Variants in FHAD1 observed in about 807,000 individuals in gnomAD.
FHAD1 encodes forkhead associated phosphopeptide binding domain 1.
Under a neutral mutation model 191.3 loss-of-function variants are expected in FHAD1, and 146 were observed. The observed-to-expected ratio is 0.76, with a 90% CI of 0.67 to 0.88. The LOEUF (loss-of-function observed/expected upper bound fraction) is 0.88. Among genes scored for constraint, FHAD1 ranks in the 40% least tolerant of loss-of-function variants. FHAD1 has a pLI of 0.00. For missense variants in FHAD1, 1,635 were observed against 1,785.8 expected, an observed-to-expected ratio of 0.92 and a Z score of 1.52; for synonymous variants, 616 against 672.3, an observed-to-expected ratio of 0.92 and a Z score of 1.29.
chr1:15,331,796 TC>T (rs1024414676), intron 14 of FHAD1, among the ~76,000 whole-genome samples: 7 of 151,934 alleles, frequency 4.6e-5, no homozygotes, highest in Non-Finnish European at 1.0e-4. Context: ...ATGAATGGTA[TC>T]AGTTAGGAAG....
upstream of FHAD1, among the ~76,000 whole-genome samples, chr1:15,242,284 G>A (rs1645483794): frequency 6.6e-6 from 1 of 151,222 alleles, no homozygotes; most frequent in Non-Finnish European, 1.5e-5. Context: ...TTTGTAATCT[G>A]GCAGCCAGAG....
Position 15,316,583 on chromosome 1 carries a change from CTTGT to C in FHAD1, c.1260+119_1260+122del. The C allele has an allele frequency of 1.2e-6, 1 of 860,416 alleles. No individual in the cohort carries two copies. Among genetic ancestry groups the C allele is most frequent in the Non-Finnish European group, 1.8e-6 (1 of 545,462 alleles). The allele number at this position is 860,416 out of a possible 1,614,324, so 53.3% of individuals were successfully genotyped here. ...ATGAAGCTCTGGGGCTCTGTGCTTG[CTTGT>C]TTAACATAGTCTCATTGCTCTTTGA... On this transcript the variant is annotated intron_variant, in intron 9 of 33. Coordinates refer to ENST00000688493, the MANE Select transcript of FHAD1 (RefSeq NM_001391957.1). This position sits in a 1 kb window ranked among gnomAD's most constrained non-coding sequence, Gnocchi z 4.3.
At chr1:15,239,579 C>CT (rs943585841) in intron 1 of FHAD1, among the ~76,000 whole-genome samples, 5 of 152,132 alleles carry the variant, frequency 3.3e-5, no homozygotes, top group Non-Finnish European at 7.3e-5. Context: ...CAGAGCGAGA[C>CT]TCTGTCTCAA....
At chr1:15,352,608 G>A (rs968303039) in intron 19 of FHAD1, among the ~76,000 whole-genome samples, 2 of 152,166 alleles carry the variant, frequency 1.3e-5, no homozygotes, top group South Asian at 2.1e-4. Flanking sequence ...CCATTCACCA[G>A]CATGTCACTT....
At chr1:15,396,213 CGGGAG>C (rs1705902251) in intron 33 of FHAD1, among the ~76,000 whole-genome samples, 3 of 151,920 alleles carry the variant, frequency 2.0e-5, no homozygotes, top group Non-Finnish European at 4.4e-5. Context: ...CCAGCTTACT[CGGGAG>C]GCTGAGGTTG....
chr1:15,393,430 G>GCACACACACACACGCACACA (rs1704849481), intron 33 of FHAD1, among the ~76,000 whole-genome samples: 1 of 146,742 alleles, frequency 6.8e-6, no homozygotes, highest in African/African-American at 2.5e-5. Context: ...ACACACACAC[G>GCACACACACACACGCACACA]CACACACACA....
intron 31 of FHAD1, among the ~76,000 whole-genome samples, chr1:15,384,725 G>A (rs143665877): frequency 3.2e-4 from 49 of 152,290 alleles, no homozygotes; most frequent in African/African-American, 9.4e-4. Context: ...AATTCACAAC[G>A]TAGGGAAAGA....
intron 22 of FHAD1, among the ~76,000 whole-genome samples, chr1:15,362,032 A>G (rs1399375900): frequency 6.7e-6 from 1 of 149,800 alleles, no homozygotes; most frequent in East Asian, 2.0e-4. Context: ...AGAGAGATTG[A>G]GCTGGGACCT....
chr1:15,278,230 A>G (rs961341055), intron 3 of FHAD1, among the ~76,000 whole-genome samples: 10 of 152,158 alleles, frequency 6.6e-5, no homozygotes, highest in Non-Finnish European at 1.0e-4. Context: ...AAAGCCAAAA[A>G]TATTTACTCT....
chr1:15,343,585 CTT>C (rs750809383), intron 16 of FHAD1, among the ~76,000 whole-genome samples: 1 of 152,186 alleles, frequency 6.6e-6, no homozygotes, highest in Non-Finnish European at 1.5e-5. Flanking sequence ...CTCTTTGCCT[CTT>C]TCTCTGCTTT....
At chr1:15,379,961 C>T (rs1015967105) in intron 28 of FHAD1, among the ~76,000 whole-genome samples, 1 of 152,210 alleles carries the variant, frequency 6.6e-6, no homozygotes, top group Non-Finnish European at 1.5e-5. Flanking sequence ...TCTGATCTCT[C>T]TTGCTTTTCC....
intron 4 of FHAD1, among the ~76,000 whole-genome samples, chr1:15,296,322 C>T (rs1666958413): frequency 6.7e-6 from 1 of 149,488 alleles, no homozygotes; most frequent in Non-Finnish European, 1.5e-5. Context: ...GGCGCAATCT[C>T]GGCTCACTGC....
chr1:15,323,633 G>C (rs116830652), intron 10 of FHAD1, among the ~76,000 whole-genome samples: 2,429 of 152,222 alleles, frequency 0.016, 69 homozygotes, highest in African/African-American at 0.056. Context: ...CTCATTTCCT[G>C]CAAGTGCCTG....
chr1:15,357,625 CAA>C (rs71000395), intron 20 of FHAD1, among the ~76,000 whole-genome samples: 1,973 of 76,086 alleles, frequency 0.026, 23 homozygotes, highest in African/African-American at 0.051. Context: ...TCCTCCGTCT[CAA>C]AAAAAAAAAA....
chr1:15,256,836 A>C (rs962698810), intron 2 of FHAD1, among the ~76,000 whole-genome samples: 3 of 152,122 alleles, frequency 2.0e-5, no homozygotes, highest in Admixed American at 6.6e-5. Context: ...CAGAAACTGC[A>C]GGGGGATGCA....
chr1:15,365,793 T>C, intron 23 of FHAD1, 34 bp from the exon 24 acceptor site: 1 of 1,388,250 alleles, frequency 7.2e-7, no homozygotes, highest in South Asian at 1.2e-5. Flanking sequence ...GGAGTTTGAG[T>C]TGAACTGACT....
chr1:15,313,144 A>G lies in FHAD1; in HGVS notation c.1127A>G (p.Gln376Arg), dbSNP rs745667006. ...LKEEVSHLKS[Q>R]NKDKDHQLEA... is the part of the protein sequence containing the mutation. ...GAAGAGGTCAGTCACCTAAAAAGTCAGAACAAGGACAAGGACCACCAGCTG... is the reference window on the plus strand; with the variant it reads ...GAAGAGGTCAGTCACCTAAAAAGTCGGAACAAGGACAAGGACCACCAGCTG... The change falls in exon 8 of 34, where the codon CAG becomes CGG. Residue 376 changes from glutamine (Q) to arginine (R), a missense_variant. Transcript: ENST00000688493. 1 of 1,551,988 alleles carries G rather than the reference A, an allele frequency of 6.4e-7. No individual in the cohort carries two copies. The highest frequency in any genetic ancestry group is 8.7e-7 in the Non-Finnish European group (1 of 1,147,058).
intron 31 of FHAD1, 40 bp downstream of exon 31, chr1:15,382,233 C>A: frequency 6.5e-7 from 1 of 1,539,662 alleles, no homozygotes; most frequent in South Asian, 1.2e-5. Context: ...CCCAGGCTGC[C>A]CTGCAGCTCC....
intron 14 of FHAD1, among the ~76,000 whole-genome samples, chr1:15,330,710 A>G (rs12401358): frequency 0.34 from 51,576 of 152,072 alleles, 9,213 homozygotes; most frequent in African/African-American, 0.42. Flanking sequence ...GCGTGGTGGC[A>G]GGGGAGCATG....
Sources: gnomAD v4.1 joint callset for allele counts (sites outside exome capture counted in the v4.1 genomes callset) on GRCh38, gnomAD v4.1.1 for gene constraint, Gnocchi (gnomAD v3.1) non-coding constraint, MANE v1.5 for transcripts, NCBI Gene and HGNC (gene_info 2026-07-23, HGNC 2026-07-21) for gene names.